ACO1: variants seen among roughly 807,000 people sequenced by gnomAD.
The protein encoded by ACO1 is cytoplasmic aconitate hydratase.
Under a neutral mutation model 105.1 loss-of-function variants are expected in ACO1, and 78 were observed. The observed-to-expected ratio is 0.74, with a 90% CI of 0.62 to 0.90. ACO1 has a LOEUF of 0.90. ACO1 is among the 40% of genes least tolerant of loss of function. The probability of loss-of-function intolerance (pLI) is 0.00; values close to 1 mark genes in which losing one functional copy is unlikely to be tolerated. For missense variants in ACO1, 965 were observed against 1,111.1 expected (o/e 0.87, Z 1.87); for synonymous variants, 364 against 397.4 (o/e 0.92, Z 1.00).
Position 32,449,985 on chromosome 9 carries a change from C to T in ACO1, c.2557-13C>T. The T allele has an allele frequency of 1.9e-6, 3 of 1,609,974 alleles. No homozygotes were observed. The highest frequency in any genetic ancestry group is 2.6e-6 in the Non-Finnish European group (3 of 1,176,408). The stretch of plus-strand genomic sequence containing the variant: ...ACCTCCCTCAATGATGCTTCTGTTT[C>T]TTTGTGCCACAGCTGGATACTGGCA... On this transcript the variant is annotated splice_polypyrimidine_tract_variant and intron_variant, in intron 20 of 20. Transcript: ENST00000309951.
In ACO1 at chr9:32,434,683, G is replaced by C. The variant is rs756010290; in HGVS notation, c.2081G>C (p.Arg694Pro). 1.2e-6 allele frequency: 2 copies of C among 1,614,094 alleles called. No homozygotes were observed. The highest frequency in any genetic ancestry group is 1.7e-6 in the Non-Finnish European group (2 of 1,179,962). The change falls in exon 17 of 21, where the codon CGC becomes CCC. Residue 694 changes from arginine to proline, a missense_variant. By Grantham distance (103) the Arg-to-Pro change is moderately radical (BLOSUM62 -2). Transcript: ENST00000309951. ...GNIARNSPAARYLTNRGLTPR... is the reference protein window; with the variant it reads ...GNIARNSPAAPYLTNRGLTPR... Reference sequence around the variant, plus strand: ...ATTGCAAGAAACAGTCCTGCTGCTCGCTACTTAACTAACAGAGGGTAAGTA... The same window carrying C: ...ATTGCAAGAAACAGTCCTGCTGCTCCCTACTTAACTAACAGAGGGTAAGTA...
At chr9:32,385,989 T>C (rs1821149925) in intron 1 of ACO1, among the ~76,000 whole-genome samples, 1 of 152,210 alleles carries the variant, frequency 6.6e-6, no homozygotes, top group Admixed American at 6.5e-5. Flanking sequence ...TGATCTCACT[T>C]TGGAAACCAT....
In ACO1 at chr9:32,429,521, T is replaced by G. The variant is rs376534938; in HGVS notation, c.1569+18T>G. On this transcript the variant is annotated intron_variant, in intron 13 of 20. Transcript: ENST00000309951. The stretch of plus-strand genomic sequence containing the variant: ...TCACACAGGTAATTGCAGAGGTCCC[T>G]GCAGGTCTTCAGAGCAGTTGTTTCT... The G allele has an allele frequency of 7.5e-6, 12 of 1,607,690 alleles. No homozygotes were observed. The highest frequency in any genetic ancestry group is 1.0e-5 in the Non-Finnish European group (12 of 1,174,762).
chr9:32,417,567 C>T (rs1821877715), intron 4 of ACO1, among the ~76,000 whole-genome samples: 1 of 152,158 alleles, frequency 6.6e-6, no homozygotes, highest in South Asian at 2.1e-4. Context: ...TAAATCTTAG[C>T]GTATAATCTG....
At chr9:32,446,388 A>G (rs1309485318) in intron 19 of ACO1, among the ~76,000 whole-genome samples, 1 of 152,072 alleles carries the variant, frequency 6.6e-6, no homozygotes, top group African/African-American at 2.4e-5. Context: ...AGTCTGTTTT[A>G]TCAGAGACTA....
chr9:32,386,840 C>T (rs575222068), intron 1 of ACO1, among the ~76,000 whole-genome samples: 2 of 152,242 alleles, frequency 1.3e-5, no homozygotes, highest in Admixed American at 6.5e-5. Context: ...CAGTTATGTG[C>T]GGGATGCCAG....
intron 9 of ACO1, 52 bp downstream of exon 9, chr9:32,423,471 AT>A: frequency 1.6e-6 from 2 of 1,248,576 alleles, no homozygotes; most frequent in Non-Finnish European, 2.3e-6. Flanking sequence ...CAAGGCTGCG[AT>A]TTTAGTGGTG....
At chr9:32,429,332 A>T in intron 12 of ACO1, 87 bp from the exon 13 acceptor site, 1 of 1,228,494 alleles carries the variant, frequency 8.1e-7, no homozygotes, top group Non-Finnish European at 1.2e-6. Flanking sequence ...CTTTTTGAAC[A>T]GTGGTCTCTG....
At chr9:32,444,238 G>A (rs1277945357) in intron 19 of ACO1, among the ~76,000 whole-genome samples, 3 of 152,150 alleles carry the variant, frequency 2.0e-5, no homozygotes, top group African/African-American at 7.2e-5. Flanking sequence ...TGGGCATTTG[G>A]GTTGGTTCCA....
At position 32,453,090 on chromosome 9, in the gene ACO1, A is replaced by T. The variant is rs1822804824; in HGVS notation, c.*2979A>T. ...CTGCTCGTCTTACTATCCAAATTAAAAATCTGCTGTTCTCCCTCCCATATT... is the reference window on the plus strand; with the variant it reads ...CTGCTCGTCTTACTATCCAAATTAATAATCTGCTGTTCTCCCTCCCATATT... On this transcript the variant is annotated 3_prime_UTR_variant, in exon 21 of 21. Coordinates refer to ENST00000309951, the MANE Select transcript of ACO1 (RefSeq NM_002197.3). 6.6e-6 allele frequency: 1 copy of T among 151,804 alleles called. No homozygotes were observed. The highest frequency in any genetic ancestry group is 2.4e-5 in the African/African-American group (1 of 41,278). The allele number at this position is 151,804 out of a possible 1,614,324, so 9.4% of individuals were successfully genotyped here.
intron 1 of ACO1, among the ~76,000 whole-genome samples, chr9:32,392,233 G>C (rs1821281264): frequency 6.6e-6 from 1 of 152,132 alleles, no homozygotes; most frequent in African/African-American, 2.4e-5. Flanking sequence ...GAGGAGCATG[G>C]TGCAAGAGAG....
At chr9:32,430,616 T>A (rs1822206697) in intron 14 of ACO1, 42 bp downstream of exon 14, 1 of 1,557,826 alleles carries the variant, frequency 6.4e-7, no homozygotes, top group South Asian at 1.2e-5. Flanking sequence ...TTCCAGTGAA[T>A]TCAGAAATAT....
At chr9:32,446,721 A>G (rs1041857425) in intron 19 of ACO1, among the ~76,000 whole-genome samples, 8 of 152,164 alleles carry the variant, frequency 5.3e-5, no homozygotes, top group Non-Finnish European at 5.9e-5. Context: ...AGTGACTGGT[A>G]TCGGTTTTTC....
At chr9:32,385,698 G>A (rs151082349) in intron 1 of ACO1, among the ~76,000 whole-genome samples, 150 of 152,276 alleles carry the variant, frequency 9.9e-4, no homozygotes, top group African/African-American at 3.5e-3. Context: ...GCAGTCTGTT[G>A]CAATATCACA....
At chr9:32,436,421 G>A (rs1172395021) in intron 18 of ACO1, 24 bp downstream of exon 18, 6 of 1,609,872 alleles carry the variant, frequency 3.7e-6, no homozygotes, top group Non-Finnish European at 5.1e-6. Context: ...TCTGCTTCCT[G>A]CAGACACTAG....
chr9:32,414,128 G>A (rs577438717), intron 4 of ACO1, among the ~76,000 whole-genome samples: 1 of 152,300 alleles, frequency 6.6e-6, no homozygotes, highest in South Asian at 2.1e-4. Flanking sequence ...ACTCCAGCCT[G>A]GGCGACAGAG....
Position 32,427,358 on chromosome 9 carries a change from C to G in ACO1, c.1406C>G (p.Thr469Ser), listed in dbSNP as rs199873369. 1 of 1,614,210 alleles carries G rather than the reference C, an allele frequency of 6.2e-7. No individual in the cohort carries two copies. Among genetic ancestry groups the G allele is most frequent in the East Asian group, 2.2e-5 (1 of 44,888 alleles). The stretch of plus-strand genomic sequence containing the variant: ...CTGAACGTGATGCCTTACATCAAAA[C>G]TAGCCTGTCTCCTGGGAGTGGCGTG... Reference protein sequence around the residue: ...AGLNVMPYIKTSLSPGSGVVT... With the variant: ...AGLNVMPYIKSSLSPGSGVVT... The change falls in exon 12 of 21, where the codon ACT becomes AGT. Residue 469 changes from threonine to serine, a missense_variant. Transcript: ENST00000309951.
At chr9:32,387,843 T>C (rs1395864587) in intron 1 of ACO1, among the ~76,000 whole-genome samples, 2 of 152,226 alleles carry the variant, frequency 1.3e-5, no homozygotes, top group Non-Finnish European at 2.9e-5. Flanking sequence ...AGCCATAGTT[T>C]GCAGACTCCT....
At chr9:32,431,939 A>G (rs539178776) in intron 15 of ACO1, 96 bp downstream of exon 15, 4 of 1,388,178 alleles carry the variant, frequency 2.9e-6, no homozygotes, top group African/African-American at 2.9e-5. Flanking sequence ...ACGGAAGTAT[A>G]AACTATATAA....
Sources: gnomAD v4.1 joint callset for allele counts (sites outside exome capture counted in the v4.1 genomes callset) on GRCh38, gnomAD v4.1.1 for gene constraint, MANE v1.5 for transcripts, NCBI Gene and HGNC (gene_info 2026-07-23, HGNC 2026-07-21) for gene names.